Variants in SDK1 observed in about 807,000 individuals in gnomAD.
The protein encoded by SDK1 is protein sidekick-1.
A neutral mutation model predicts 245.5 loss-of-function variants in SDK1; 157 were observed. The observed-to-expected ratio is 0.64, with a 90% CI of 0.56 to 0.73. The LOEUF (loss-of-function observed/expected upper bound fraction) is 0.73. Among genes scored for constraint, SDK1 ranks in the 30% least tolerant of loss-of-function variants. SDK1 has a pLI of 0.00. For missense variants in SDK1, 3,583 were observed against 3,002.3 expected, an observed-to-expected ratio of 1.19 and a Z score of -4.52; for synonymous variants, 1,647 against 1,278.5, an observed-to-expected ratio of 1.29 and a Z score of -6.15.
rs186962246 is a variant in SDK1, at chr7:3,800,571, C to G, written c.714-20879C>G. Among the ~76,000 whole-genome samples the G allele has an allele frequency of 2.0e-5, 3 of 152,044 alleles. No individual in the cohort carries two copies. The East Asian group carries it at 5.8e-4, about 29-fold the overall frequency. On this transcript the variant is annotated intron_variant, in intron 4 of 44. Coordinates refer to ENST00000404826, the MANE Select transcript of SDK1 (RefSeq NM_152744.4). ...TAATTTTTTGTATTTTTACTAGAGA[C>G]GGGTTAACCAGGATGGTCTTGATCT...
intron 1 of SDK1, among the ~76,000 whole-genome samples, chr7:3,348,594 G>A (rs921543908): frequency 6.6e-6 from 1 of 152,132 alleles, no homozygotes; most frequent in African/African-American, 2.4e-5. Context: ...TACCTGTTGG[G>A]TACTATGCCC....
chr7:4,152,248 C>T (rs539589632), intron 30 of SDK1, among the ~76,000 whole-genome samples: 1 of 152,268 alleles, frequency 6.6e-6, no homozygotes, highest in East Asian at 1.9e-4. Context: ...CTTTGAGCTA[C>T]AGCAACAGAA....
intron 14 of SDK1, among the ~76,000 whole-genome samples, chr7:3,997,111 G>A (rs1450114886): frequency 6.6e-6 from 1 of 152,132 alleles, no homozygotes; most frequent in East Asian, 1.9e-4. Flanking sequence ...TCTGACTTCT[G>A]TCACCATAGA....
chr7:3,955,595 C>T (rs1289262922), intron 7 of SDK1, among the ~76,000 whole-genome samples: 1 of 152,196 alleles, frequency 6.6e-6, no homozygotes, highest in African/African-American at 2.4e-5. Flanking sequence ...CAGCCGAGGG[C>T]ATGCGTGGGA....
intron 5 of SDK1, among the ~76,000 whole-genome samples, chr7:3,937,533 C>T (rs561857818): frequency 3.3e-5 from 5 of 152,308 alleles, no homozygotes; most frequent in South Asian, 2.1e-4. Flanking sequence ...ATCGCAGGTC[C>T]GTTTGGATCC....
At chr7:3,789,176 T>G (rs1781002570) in intron 4 of SDK1, among the ~76,000 whole-genome samples, 1 of 152,180 alleles carries the variant, frequency 6.6e-6, no homozygotes, top group South Asian at 2.1e-4. Context: ...GGACGGAGTT[T>G]CACTCCTGTT....
intron 2 of SDK1, among the ~76,000 whole-genome samples, chr7:3,630,295 A>C (rs1167272861): frequency 6.6e-6 from 1 of 152,254 alleles, no homozygotes; most frequent in South Asian, 2.1e-4. Flanking sequence ...AAAGGCATCC[A>C]GATTGTAAAG....
intron 42 of SDK1, among the ~76,000 whole-genome samples, chr7:4,238,562 CTTTT>C (rs58934751): frequency 6.9e-6 from 1 of 144,822 alleles, no homozygotes; most frequent in Admixed American, 6.9e-5. Context: ...GATCCTGTCT[CTTTT>C]TTTTTTTTAA....
intron 1 of SDK1, among the ~76,000 whole-genome samples, chr7:3,604,909 T>C (rs1172030493): frequency 6.6e-6 from 1 of 152,076 alleles, no homozygotes; most frequent in Non-Finnish European, 1.5e-5. Context: ...GCCCCAAACA[T>C]TTTTTCTCTG....
intron 4 of SDK1, among the ~76,000 whole-genome samples, chr7:3,765,240 A>G (rs1780220799): frequency 6.6e-6 from 1 of 152,178 alleles, no homozygotes; most frequent in Non-Finnish European, 1.5e-5. Context: ...GCATCCATAT[A>G]TTAGTAGTTT....
At chr7:3,500,657 G>A (rs1782168701) in intron 1 of SDK1, among the ~76,000 whole-genome samples, 1 of 152,066 alleles carries the variant, frequency 6.6e-6, no homozygotes, top group African/African-American at 2.4e-5. Context: ...TCGGTACTCA[G>A]TGGATTCTTT....
intron 1 of SDK1, among the ~76,000 whole-genome samples, chr7:3,574,960 G>C (rs182566853): frequency 6.6e-6 from 1 of 152,018 alleles, no homozygotes; most frequent in Non-Finnish European, 1.5e-5. Context: ...TGAAGTACGG[G>C]TAGTCATGTC....
chr7:3,943,812 A>G (rs1392015260), intron 5 of SDK1, among the ~76,000 whole-genome samples: 2 of 152,144 alleles, frequency 1.3e-5, no homozygotes, highest in Middle Eastern at 3.2e-3. Context: ...TCTATGAGTA[A>G]AGAGGTTCAT....
intron 1 of SDK1, among the ~76,000 whole-genome samples, chr7:3,328,943 A>C (rs1374794629): frequency 6.6e-6 from 1 of 152,142 alleles, no homozygotes; most frequent in Non-Finnish European, 1.5e-5. Flanking sequence ...GTAGATTCCT[A>C]GCATGGAAAT....
At chr7:3,749,583 GC>G (rs1779721035) in intron 4 of SDK1, among the ~76,000 whole-genome samples, 1 of 152,216 alleles carries the variant, frequency 6.6e-6, no homozygotes, top group African/African-American at 2.4e-5. Context: ...AGAGGTGTGA[GC>G]CACCGCGCCC....
intron 1 of SDK1, among the ~76,000 whole-genome samples, chr7:3,381,057 G>A (rs1014631195): frequency 1.3e-5 from 2 of 152,212 alleles, no homozygotes; most frequent in African/African-American, 2.4e-5. Context: ...TCAGCTGCAG[G>A]AGTTATGTGC....
intron 4 of SDK1, among the ~76,000 whole-genome samples, chr7:3,664,670 G>T (rs1249196363): frequency 1.3e-5 from 2 of 151,570 alleles, no homozygotes; most frequent in African/African-American, 4.9e-5. Flanking sequence ...AACCCAGGAG[G>T]CAGAGGTTGC....
chr7:3,544,372 A>G (rs1210647013), intron 1 of SDK1, among the ~76,000 whole-genome samples: 1 of 152,166 alleles, frequency 6.6e-6, no homozygotes, highest in Admixed American at 6.5e-5. Flanking sequence ...ACAGACCTCT[A>G]GCGACCTCAC....
intron 11 of SDK1, 68 bp from the exon 12 acceptor site, chr7:3,971,398 A>T (rs1562595081): frequency 1.9e-6 from 2 of 1,048,042 alleles, no homozygotes; most frequent in Admixed American, 1.9e-5. Flanking sequence ...CCAGGGCATT[A>T]TCCCCCCTGA....
Sources: gnomAD v4.1 joint callset for allele counts (sites outside exome capture counted in the v4.1 genomes callset) on GRCh38, gnomAD v4.1.1 for gene constraint, MANE v1.5 for transcripts, NCBI Gene and HGNC (gene_info 2026-07-23, HGNC 2026-07-21) for gene names.